The following TRIM16 variants were observed in gnomAD, a reference collection of about 807,000 sequenced individuals.
The protein encoded by TRIM16 is tripartite motif containing 16.
In TRIM16, 33 loss-of-function variants were observed where a neutral mutation model predicts 50.4. That is an observed-to-expected ratio of 0.65 (90% CI 0.50 to 0.88). The LOEUF is 0.88. Ranked by LOEUF, TRIM16 falls within the 40% of genes least tolerant of loss-of-function variation. TRIM16 has a pLI of 0.00. For missense variants in TRIM16, 581 were observed against 686.8 expected (o/e 0.85, Z 1.72); for synonymous variants, 229 against 270.7 (o/e 0.85, Z 1.51).
chr17:15,651,847 T>C lies in TRIM16; in HGVS notation c.-238A>G. ...CAGGCTCAGGACAGCCGGCTCAGGC[T>C]CAGGCTGCCTCCCCAGGTCCAGCCC... On this transcript the variant is annotated 5_prime_UTR_variant, in exon 7 of 12. Coordinates refer to ENST00000649191, the MANE Select transcript of TRIM16 (RefSeq NM_001348119.1). 3 of 1,424,002 alleles carry C rather than the reference T, an allele frequency of 2.1e-6. No homozygotes were observed. Among genetic ancestry groups the C allele is most frequent in the East Asian group, 2.6e-5 (1 of 38,796 alleles). 88.2% of individuals were successfully genotyped at this position (1,424,002 alleles called of 1,614,324 possible). A position where few individuals can be genotyped will look rare whatever the true frequency, so the allele number is the denominator to read the frequency against.
At chr17:15,647,122 G>C (rs1987426831) in intron 7 of TRIM16, among the ~76,000 whole-genome samples, 1 of 151,764 alleles carries the variant, frequency 6.6e-6, no homozygotes, top group South Asian at 2.1e-4. Context: ...GCCTGCTACT[G>C]TGCCAGGCTA....
At chr17:15,653,334 T>C (rs183704782) in intron 6 of TRIM16, among the ~76,000 whole-genome samples, 9 of 152,324 alleles carry the variant, frequency 5.9e-5, no homozygotes, top group African/African-American at 1.7e-4. Context: ...GTTTTCTTTA[T>C]ACGTTACCCC....
Position 15,651,824 on chromosome 17 carries a change from G to C in TRIM16, c.-215C>G, listed in dbSNP as rs1736594280. On this transcript the variant is annotated 5_prime_UTR_variant, in exon 7 of 12. Coordinates refer to ENST00000649191, the MANE Select transcript of TRIM16 (RefSeq NM_001348119.1). ...GACGACAAGGCAGCTAGAGTACTCA[G>C]GCTCAGGACAGCCGGCTCAGGCTCA... 84 of 1,439,152 alleles carry C rather than the reference G, an allele frequency of 5.8e-5. No homozygotes were observed. In the South Asian group the frequency reaches 1.1e-3, roughly 19 times the overall value. 89.1% of individuals were successfully genotyped at this position (1,439,152 alleles called of 1,614,324 possible).
intron 9 of TRIM16, among the ~76,000 whole-genome samples, 183 bp downstream of exon 9, chr17:15,635,853 T>C (rs978411290): frequency 2.9e-5 from 4 of 137,238 alleles, no homozygotes; most frequent in African/African-American, 8.7e-5. Flanking sequence ...CTCTGAGCAG[T>C]TCTCCCTCCC....
intron 6 of TRIM16, among the ~76,000 whole-genome samples, chr17:15,654,759 G>A (rs947814163): frequency 1.3e-5 from 2 of 151,986 alleles, no homozygotes; most frequent in African/African-American, 2.4e-5. Flanking sequence ...GCTTCCCCCT[G>A]CACAGATCTC....
chr17:15,653,099 A>G (rs773234895), intron 6 of TRIM16, among the ~76,000 whole-genome samples: 1 of 152,068 alleles, frequency 6.6e-6, no homozygotes, highest in African/African-American at 2.4e-5. Context: ...CCCCACAGTG[A>G]TGAGTGAGTT....
intron 6 of TRIM16, among the ~76,000 whole-genome samples, chr17:15,671,867 A>G (rs1283746805): frequency 6.6e-6 from 1 of 152,198 alleles, no homozygotes; most frequent in Non-Finnish European, 1.5e-5. Flanking sequence ...AGTGGCCAAG[A>G]GGTGAGGGTG....
chr17:15,647,897 G>C (rs1212468539), intron 7 of TRIM16, among the ~76,000 whole-genome samples: 1 of 151,404 alleles, frequency 6.6e-6, no homozygotes, highest in African/African-American at 2.4e-5. Flanking sequence ...AAGGTGAGAA[G>C]ACTTGGCAGC....
intron 3 of TRIM16, 84 bp downstream of exon 3, chr17:15,682,770 A>T: frequency 7.9e-7 from 1 of 1,271,886 alleles, no homozygotes; most frequent in African/African-American, 1.5e-5. Flanking sequence ...TGGAAAGAGT[A>T]CGGAAGTAAG....
At chr17:15,650,604 C>A (rs1987640048) in intron 7 of TRIM16, among the ~76,000 whole-genome samples, 1 of 152,186 alleles carries the variant, frequency 6.6e-6, no homozygotes, top group South Asian at 2.1e-4. Flanking sequence ...TCCAGAGGGG[C>A]CCATTCTACT....
chr17:15,669,235 G>A (rs1988625194), intron 6 of TRIM16, among the ~76,000 whole-genome samples: 1 of 151,546 alleles, frequency 6.6e-6, no homozygotes, highest in Non-Finnish European at 1.5e-5. Flanking sequence ...CTATCCTACA[G>A]AAATAGCAGC....
intron 11 of TRIM16, among the ~76,000 whole-genome samples, chr17:15,630,621 C>G (rs1327366450): frequency 6.6e-6 from 1 of 152,034 alleles, no homozygotes; most frequent in East Asian, 1.9e-4. Context: ...CCAGCCTGGG[C>G]AACACAGCAA....
intron 6 of TRIM16, 45 bp downstream of exon 6, chr17:15,677,131 C>G: frequency 1.0e-6 from 1 of 981,996 alleles, no homozygotes; most frequent in Non-Finnish European, 1.2e-6. Context: ...GGAAGAACCC[C>G]TAACTCTTAT....
intron 7 of TRIM16, 134 bp from the exon 8 acceptor site, chr17:15,642,950 C>A: frequency 6.7e-6 from 3 of 448,814 alleles, no homozygotes; most frequent in Non-Finnish European, 9.5e-6. Flanking sequence ...ATCTCAGAAA[C>A]CAGCCGGGAG....
chr17:15,661,302 C>T (rs1490573063), intron 6 of TRIM16, among the ~76,000 whole-genome samples: 2 of 152,198 alleles, frequency 1.3e-5, no homozygotes, highest in African/African-American at 4.8e-5. Context: ...CTTATGGGTA[C>T]AAACACAGCA....
At chr17:15,648,022 G>A (rs894823508) in intron 7 of TRIM16, among the ~76,000 whole-genome samples, 4 of 151,916 alleles carry the variant, frequency 2.6e-5, no homozygotes, top group Admixed American at 1.3e-4. Context: ...TCAGGAGATC[G>A]AGACCATCCT....
rs1414576742 is a variant in TRIM16 at position 15,677,193 on chromosome 17, G to T, written c.-355C>A. ...TCACTTACGTGTACCGCTGCTTCTT[G>T]GCACCTCTCCCTCCTGCATTTGTGT... On this transcript the variant is annotated 5_prime_UTR_variant, in exon 6 of 12. Coordinates refer to ENST00000649191, the MANE Select transcript of TRIM16 (RefSeq NM_001348119.1). 7 of 985,358 alleles carry T rather than the reference G, an allele frequency of 7.1e-6. No homozygotes were observed. The South Asian group carries it at 1.4e-4, about 20-fold the overall frequency. The allele number at this position is 985,358 out of a possible 1,614,324, so 61.0% of individuals were successfully genotyped here.
At chr17:15,633,843 A>T (rs1207262392) in intron 9 of TRIM16, among the ~76,000 whole-genome samples, 1 of 151,162 alleles carries the variant, frequency 6.6e-6, no homozygotes, top group Admixed American at 6.6e-5. Context: ...CCCGGCCAAT[A>T]AATAAGTTAT....
chr17:15,682,286 C>A (rs1989213654), intron 3 of TRIM16, among the ~76,000 whole-genome samples: 1 of 152,190 alleles, frequency 6.6e-6, no homozygotes, highest in Non-Finnish European at 1.5e-5. Flanking sequence ...TGGTCATACT[C>A]CCAAATCCCA....
Sources: allele counts gnomAD v4.1 joint callset (sites outside exome capture counted in the v4.1 genomes callset), GRCh38; gene constraint gnomAD v4.1.1; transcripts MANE v1.5; gene names NCBI Gene and HGNC (gene_info 2026-07-23, HGNC 2026-07-21).